Variants in AGFG1 observed in about 807,000 individuals in gnomAD.
AGFG1 encodes arf-GAP domain and FG repeat-containing protein 1.
Under a neutral mutation model 60.6 loss-of-function variants are expected in AGFG1, and 10 were observed. The ratio of observed to expected loss-of-function variants is 0.16; its 90% CI spans 0.10 to 0.28. The LOEUF is 0.28. AGFG1 is among the 10% of genes least tolerant of loss of function. AGFG1 has a pLI of 1.00. For synonymous variants in AGFG1, 247 were observed against 242.9 expected, an observed-to-expected ratio of 1.02 and a Z score of -0.16; for missense variants, 537 against 676.5, an observed-to-expected ratio of 0.79 and a Z score of 2.29.
intron 10 of AGFG1, among the ~76,000 whole-genome samples, chr2:227,539,666 G>A (rs542674985): frequency 1.4e-5 from 2 of 145,222 alleles, no homozygotes; most frequent in South Asian, 4.3e-4. Context: ...GATTACCTGA[G>A]CCTAGGAGGT....
In AGFG1 at chr2:227,472,596, CG is replaced by C; in HGVS notation, c.167+12del. The C allele has an allele frequency of 6.5e-7, 1 of 1,548,374 alleles. No individual in the cohort carries two copies. Among genetic ancestry groups the C allele is most frequent in the Non-Finnish European group, 8.7e-7 (1 of 1,144,964 alleles). On this transcript the variant is annotated intron_variant, in intron 1 of 12. Transcript: ENST00000310078. ...CTCCTGCTCCGGCAGCCTGTGAGTG[CG>C]GGGCGGCCGGGCGGGTGTCGGGCCC...
intron 1 of AGFG1, among the ~76,000 whole-genome samples, chr2:227,490,326 C>G (rs1265230777): frequency 6.6e-6 from 1 of 152,080 alleles, no homozygotes; most frequent in Non-Finnish European, 1.5e-5. Context: ...CGCCTGTAAT[C>G]CCAGCACTTT....
chr2:227,472,490 C>G lies in AGFG1; in HGVS notation c.69C>G (p.Leu23=), dbSNP rs1322443868. The stretch of plus-strand genomic sequence containing the variant: ...AGATGCTGCGGGACATGACCGGCCT[C>G]CCGCACAACCGAAAGTGCTTCGACT... ...HLKMLRDMTG[L]PHNRKCFDCD... The change falls in exon 1 of 13, where the codon CTC becomes CTG. Residue 23 remains leucine (L), a synonymous_variant. Transcript: ENST00000310078. 4.4e-6 allele frequency: 7 copies of G among 1,580,418 alleles called. No homozygotes were observed. Among genetic ancestry groups the G allele is most frequent in the Non-Finnish European group, 2.6e-6 (3 of 1,163,686 alleles).
chr2:227,483,633 G>A (rs1690533451), intron 1 of AGFG1, among the ~76,000 whole-genome samples: 1 of 152,138 alleles, frequency 6.6e-6, no homozygotes, highest in Non-Finnish European at 1.5e-5. Context: ...ATTAATCCAA[G>A]TTAGTTGTTG....
intron 2 of AGFG1, among the ~76,000 whole-genome samples, chr2:227,498,332 A>C (rs1159579783): frequency 1.3e-5 from 2 of 152,200 alleles, no homozygotes; most frequent in Admixed American, 6.5e-5. Context: ...GGTATTAATA[A>C]ATGAAAACAT....
chr2:227,486,696 T>C lies in AGFG1; in HGVS notation c.168-4851T>C, dbSNP rs529314985. ...GTTCTGAAAAGAAAGTTATGCAAGA[T>C]TGAACCTTGGTAGAGTTTATATCTT... On this transcript the variant is annotated intron_variant, in intron 1 of 12. Transcript: ENST00000310078. Among the ~76,000 whole-genome samples, 10 of 152,336 alleles carry C rather than the reference T, an allele frequency of 6.6e-5. No individual in the cohort carries two copies. The East Asian group carries it at 1.2e-3, about 18-fold the overall frequency.
chr2:227,536,870 AT>A, intron 9 of AGFG1, 30 bp from the exon 10 acceptor site: 1 of 1,587,818 alleles, frequency 6.3e-7, no homozygotes, highest in Non-Finnish European at 8.6e-7. Flanking sequence ...ATGTATTAGG[AT>A]TTTATAGTGT....
chr2:227,477,629 C>T (rs1274102943), intron 1 of AGFG1, among the ~76,000 whole-genome samples: 2 of 151,934 alleles, frequency 1.3e-5, no homozygotes, highest in East Asian at 1.9e-4. Context: ...TTTTTTGAGA[C>T]GGAGTTTCAC....
chr2:227,534,017 G>A (rs147593783), intron 7 of AGFG1, among the ~76,000 whole-genome samples: 29 of 152,210 alleles, frequency 1.9e-4, no homozygotes, highest in Non-Finnish European at 1.9e-4. Flanking sequence ...CCTAGAAGGC[G>A]TGCTTTACTT....
chr2:227,553,418 C>T (rs923333884), intron 11 of AGFG1, among the ~76,000 whole-genome samples: 3 of 151,402 alleles, frequency 2.0e-5, no homozygotes, highest in Admixed American at 6.6e-5. Context: ...ATCACCTGAG[C>T]CCTGGAGGTT....
rs1356670301 is a variant in AGFG1, at chr2:227,560,854, G to A, written c.*6359G>A. On this transcript the variant is annotated 3_prime_UTR_variant, in exon 13 of 13. Transcript: ENST00000310078. ...TTGCTGTTAGTCAAGCACAGGATTT[G>A]TTTTCTGCAAAAGTTTATTTTCAAT... 6.6e-6 allele frequency: 1 copy of A among 152,038 alleles called. No individual in the cohort carries two copies. The highest frequency in any genetic ancestry group is 1.5e-5 in the Non-Finnish European group (1 of 67,950). The allele number at this position is 152,038 out of a possible 1,614,324, so 9.4% of individuals were successfully genotyped here.
In AGFG1 at chr2:227,472,173, G is replaced by A. The variant is rs1424402647; in HGVS notation, c.-249G>A. 6.4e-6 allele frequency: 1 copy of A among 156,530 alleles called. No homozygotes were observed. The highest frequency in any genetic ancestry group is 1.4e-5 in the Non-Finnish European group (1 of 70,058). The allele number at this position is 156,530 out of a possible 1,614,324, so 9.7% of individuals were successfully genotyped here. On this transcript the variant is annotated 5_prime_UTR_variant, in exon 1 of 13. Coordinates refer to ENST00000310078, the MANE Select transcript of AGFG1 (RefSeq NM_004504.5). ...CGTCTTTTCCCCTCAGGAGAAGTCG[G>A]GAAGGTGGCGGCGGCGGCGGCGGTT...
chr2:227,532,325 A>G (rs577521685), intron 6 of AGFG1: 55 of 704,148 alleles, frequency 7.8e-5, no homozygotes, highest in Non-Finnish European at 1.1e-4. Context: ...CTTCATAAAA[A>G]TCTCTTCCAA....
At chr2:227,540,062 CT>C (rs1239240369) in intron 10 of AGFG1, among the ~76,000 whole-genome samples, 1 of 152,104 alleles carries the variant, frequency 6.6e-6, no homozygotes, top group Non-Finnish European at 1.5e-5. Flanking sequence ...TCTTGAACTC[CT>C]GGCCTCAAAT....
intron 2 of AGFG1, among the ~76,000 whole-genome samples, chr2:227,503,298 A>G (rs1691215080): frequency 6.6e-6 from 1 of 151,882 alleles, no homozygotes; most frequent in Non-Finnish European, 1.5e-5. Flanking sequence ...TCTATTATAT[A>G]GTGTCATTTG....
chr2:227,549,072 C>A (rs2106241275), intron 10 of AGFG1, among the ~76,000 whole-genome samples: 1 of 151,366 alleles, frequency 6.6e-6, no homozygotes, highest in South Asian at 2.1e-4. Context: ...AAGTTACATT[C>A]ATTGAGTATT....
At chr2:227,502,656 G>A (rs929377350) in intron 2 of AGFG1, among the ~76,000 whole-genome samples, 6 of 152,022 alleles carry the variant, frequency 3.9e-5, no homozygotes, top group South Asian at 2.1e-4. Flanking sequence ...TTTGGCAAGC[G>A]GAAGTTTTGT....
At chr2:227,474,236 T>C (rs1459825060) in intron 1 of AGFG1, among the ~76,000 whole-genome samples, 1 of 152,238 alleles carries the variant, frequency 6.6e-6, no homozygotes, top group Admixed American at 6.5e-5. Context: ...AATAGAACAA[T>C]TGTAATTGTA....
intron 10 of AGFG1, chr2:227,550,253 G>T: frequency 4.4e-6 from 1 of 227,396 alleles, no homozygotes; most frequent in Non-Finnish European, 9.4e-6. Flanking sequence ...TGTGGCATTG[G>T]GATTACATTG....
Sources: gnomAD v4.1 joint callset for allele counts (sites outside exome capture counted in the v4.1 genomes callset) on GRCh38, gnomAD v4.1.1 for gene constraint, MANE v1.5 for transcripts, NCBI Gene and HGNC (gene_info 2026-07-23, HGNC 2026-07-21) for gene names.